NPRL3: variants seen among roughly 807,000 people sequenced by gnomAD.
NPRL3 encodes NPR3 like, GATOR1 complex subunit.
Under a neutral mutation model 57.2 loss-of-function variants are expected in NPRL3, and 23 were observed. The ratio of observed to expected loss-of-function variants is 0.40; its 90% CI spans 0.29 to 0.57. The LOEUF (loss-of-function observed/expected upper bound fraction) is 0.57. Ranked by LOEUF, NPRL3 falls within the 20% of genes least tolerant of loss-of-function variation. NPRL3 has a pLI of 0.42. For missense variants in NPRL3, 691 were observed against 767.1 expected (o/e 0.90, Z 1.17); for synonymous variants, 333 against 321.1 (o/e 1.04, Z -0.39).
Position 119,265 on chromosome 16 carries a change from TAA to T in NPRL3, c.189-12_189-11del, listed in dbSNP as rs776869715. The T allele has an allele frequency of 1.9e-5, 31 of 1,596,036 alleles. 1 individual carries two copies. Among genetic ancestry groups the T allele is most frequent in the Non-Finnish European group, 2.2e-5 (26 of 1,170,874 alleles). On this transcript the variant is annotated splice_polypyrimidine_tract_variant and intron_variant, in intron 3 of 13. Transcript: ENST00000611875. ...AATAACATCTGAAAACCTTAAAATT[TAA>T]GAGAGGTAGAATAAAAATAAGTTAA...
chr16:97,117 G>A (rs978612426), intron 9 of NPRL3, among the ~76,000 whole-genome samples: 1 of 152,196 alleles, frequency 6.6e-6, no homozygotes, highest in East Asian at 1.9e-4. Context: ...GCCACCCACA[G>A]GCACCACCTG....
chr16:86,096 C>T lies in NPRL3; in HGVS notation c.*609G>A. On this transcript the variant is annotated 3_prime_UTR_variant, in exon 14 of 14. Transcript: ENST00000611875. ...AGCAGGGCCAGCCCAGGCCCTCGTG[C>T]CCCAGATGGTCAGGACCAGGTCACA... 1 of 273,684 alleles carries T rather than the reference C, an allele frequency of 3.7e-6. No individual in the cohort carries two copies. Among genetic ancestry groups the T allele is most frequent in the Non-Finnish European group, 6.8e-6 (1 of 146,560 alleles). 17.0% of individuals were successfully genotyped at this position (273,684 alleles called of 1,614,324 possible). A position where few individuals can be genotyped will look rare whatever the true frequency, so the allele number is the denominator to read the frequency against.
intron 3 of NPRL3, among the ~76,000 whole-genome samples, chr16:127,482 G>A (rs1009599481): frequency 6.6e-6 from 1 of 151,862 alleles, no homozygotes; most frequent in African/African-American, 2.4e-5. Flanking sequence ...TGATCCCCCC[G>A]CCTTGGACAC....
intron 7 of NPRL3, 74 bp from the exon 8 acceptor site, chr16:100,583 T>C: frequency 7.6e-7 from 1 of 1,320,706 alleles, no homozygotes; most frequent in Non-Finnish European, 9.8e-7. Flanking sequence ...AACACCCTGC[T>C]CAATGGTGCT....
intron 7 of NPRL3, among the ~76,000 whole-genome samples, chr16:107,313 C>T (rs939889733): frequency 2.6e-5 from 4 of 152,138 alleles, no homozygotes; most frequent in African/African-American, 9.7e-5. Flanking sequence ...CAGCACGATT[C>T]AAACCTAAGA....
intron 2 of NPRL3, among the ~76,000 whole-genome samples, chr16:133,395 T>C (rs947377091): frequency 6.6e-6 from 1 of 151,604 alleles, no homozygotes; most frequent in East Asian, 1.9e-4. Flanking sequence ...CCAGCTAATT[T>C]TTGTATTTTT....
At chr16:97,525 T>C (rs73495140) in intron 9 of NPRL3, among the ~76,000 whole-genome samples, 15,564 of 151,312 alleles carry the variant, frequency 0.1, 2,639 homozygotes, top group African/African-American at 0.35. Context: ...TGCCCAGCCT[T>C]GCCTGCGCTT....
rs1280663401 is a variant in NPRL3 at position 85,978 on chromosome 16, G to T, written c.*727C>A. 2 of 609,134 alleles carry T rather than the reference G, an allele frequency of 3.3e-6. No homozygotes were observed. The highest frequency in any genetic ancestry group is 1.1e-4 in the South Asian group (2 of 17,992). 37.7% of individuals were successfully genotyped at this position (609,134 alleles called of 1,614,324 possible). ...GTGGATGCTGGGGAGAATCATCAGT[G>T]TGGGAGCCGAAAGCCCCCGAGGGTG... is the stretch of plus-strand genomic sequence containing the variant. On this transcript the variant is annotated 3_prime_UTR_variant, in exon 14 of 14. Transcript: ENST00000611875.
intron 5 of NPRL3, among the ~76,000 whole-genome samples, chr16:115,194 C>T (rs970215668): frequency 6.6e-5 from 10 of 151,782 alleles, no homozygotes; most frequent in Admixed American, 1.3e-4. Flanking sequence ...AGGCTGGTGT[C>T]AAACTCCTGG....
intron 7 of NPRL3, among the ~76,000 whole-genome samples, chr16:103,031 G>T (rs1454974926): frequency 1.3e-5 from 2 of 152,128 alleles, no homozygotes; most frequent in Admixed American, 1.3e-4. Context: ...CAATAGTTAG[G>T]ATCTTGGCAT....
At chr16:132,723 G>A (rs913996602) in intron 2 of NPRL3, among the ~76,000 whole-genome samples, 4 of 147,696 alleles carry the variant, frequency 2.7e-5, no homozygotes, top group Non-Finnish European at 5.9e-5. Context: ...AGGCTGGAGT[G>A]CAGTGGCGGG....
intron 3 of NPRL3, among the ~76,000 whole-genome samples, chr16:124,758 T>C (rs1421781561): frequency 6.6e-6 from 1 of 152,104 alleles, no homozygotes; most frequent in Non-Finnish European, 1.5e-5. Flanking sequence ...ACTACCTGAG[T>C]TGAGATTTTT....
At chr16:108,591 C>T (rs1246625543) in intron 7 of NPRL3, among the ~76,000 whole-genome samples, 1 of 151,992 alleles carries the variant, frequency 6.6e-6, no homozygotes, top group Non-Finnish European at 1.5e-5. Context: ...GGGGCAGTTG[C>T]GGCTCACTAG....
intron 2 of NPRL3, among the ~76,000 whole-genome samples, chr16:136,531 TA>T (rs11449025): frequency 2.0e-5 from 3 of 146,740 alleles, no homozygotes; most frequent in African/African-American, 2.5e-5. Context: ...CTACTAAAAA[TA>T]AAAAAAAAAA....
chr16:88,445 TAAG>T (rs1030742332), intron 13 of NPRL3, among the ~76,000 whole-genome samples: 2 of 149,558 alleles, frequency 1.3e-5, no homozygotes, highest in Non-Finnish European at 2.9e-5. Context: ...AAGGAACATC[TAAG>T]AAGTACTGGA....
chr16:97,006 A>G (rs1899038446), intron 9 of NPRL3, among the ~76,000 whole-genome samples: 2 of 152,380 alleles, frequency 1.3e-5, no homozygotes, highest in South Asian at 4.1e-4. Context: ...ATGGAAGCTC[A>G]GCCAGAGGGA....
chr16:135,732 A>G (rs983269522), intron 2 of NPRL3, among the ~76,000 whole-genome samples: 13 of 152,112 alleles, frequency 8.5e-5, no homozygotes, highest in African/African-American at 3.1e-4. Context: ...CTCAGAAACC[A>G]CAAGAGATTA....
chr16:111,929 G>A (rs1226693506), intron 6 of NPRL3, among the ~76,000 whole-genome samples: 1 of 152,214 alleles, frequency 6.6e-6, no homozygotes, highest in African/African-American at 2.4e-5. Flanking sequence ...GAGATGGAGA[G>A]TTTGTTACAG....
intron 9 of NPRL3, among the ~76,000 whole-genome samples, chr16:95,513 C>T (rs922218086): frequency 7.9e-5 from 12 of 151,940 alleles, no homozygotes; most frequent in Admixed American, 2.6e-4. Flanking sequence ...CTAATTTTAT[C>T]ATGACACACC....
Sources: gnomAD v4.1 joint callset for allele counts (sites outside exome capture counted in the v4.1 genomes callset) on GRCh38, gnomAD v4.1.1 for gene constraint, MANE v1.5 for transcripts, NCBI Gene and HGNC (gene_info 2026-07-23, HGNC 2026-07-21) for gene names.